The following DOCK3 variants were observed in gnomAD, a reference collection of about 807,000 sequenced individuals.
The protein encoded by DOCK3 is dedicator of cytokinesis 3, also known as dedicator of cytokinesis protein 3.
In DOCK3, 60 loss-of-function variants were observed where a neutral mutation model predicts 265.6. The observed-to-expected ratio is 0.23, with a 90% CI of 0.18 to 0.28. The LOEUF (loss-of-function observed/expected upper bound fraction) is 0.28, where lower values mean the gene tolerates loss of function less well. Among genes scored for constraint, DOCK3 ranks in the 10% least tolerant of loss-of-function variants. DOCK3 has a pLI of 1.00. For missense variants in DOCK3, 1,981 were observed against 2,594.3 expected (o/e 0.76, Z 5.14); for synonymous variants, 881 against 938.0 (o/e 0.94, Z 1.11).
chr3:51,221,552 AC>A (rs1213248053), intron 14 of DOCK3, among the ~76,000 whole-genome samples: 1 of 152,194 alleles, frequency 6.6e-6, no homozygotes, highest in East Asian at 1.9e-4. Flanking sequence ...ACTCCAATAA[AC>A]CTAAGTGCCC....
At chr3:50,785,559 A>G (rs551148508) in intron 2 of DOCK3, among the ~76,000 whole-genome samples, 6 of 152,206 alleles carry the variant, frequency 3.9e-5, no homozygotes, top group African/African-American at 7.2e-5. Flanking sequence ...TTATGCATCT[A>G]TTGAGATGAT....
intron 3 of DOCK3, among the ~76,000 whole-genome samples, chr3:50,889,066 G>GGTGTGTGTGTGT (rs36180907): frequency 7.9e-4 from 106 of 134,264 alleles, no homozygotes; most frequent in African/African-American, 1.4e-3. Context: ...TTAAGCCATG[G>GGTGTGTGTGTGT]GTGTGTGTGT....
chr3:50,731,462 C>T (rs777091991), intron 1 of DOCK3, among the ~76,000 whole-genome samples: 3 of 152,078 alleles, frequency 2.0e-5, no homozygotes, highest in South Asian at 4.1e-4. Flanking sequence ...GGATGTTGAT[C>T]GTGGGTGAAG....
At chr3:51,346,041 A>C (rs1369198898) in intron 38 of DOCK3, among the ~76,000 whole-genome samples, 1 of 152,186 alleles carries the variant, frequency 6.6e-6, no homozygotes, top group Non-Finnish European at 1.5e-5. Flanking sequence ...CTATATGCTT[A>C]AATTTCCTAT....
chr3:51,159,843 T>G (rs550555858), intron 11 of DOCK3, among the ~76,000 whole-genome samples: 1 of 152,366 alleles, frequency 6.6e-6, no homozygotes, highest in East Asian at 1.9e-4. Flanking sequence ...CAGACTTATT[T>G]CAAGTTTATG....
chr3:51,354,733 T>C, intron 40 of DOCK3, 149 bp from the exon 41 acceptor site: 1 of 1,219,366 alleles, frequency 8.2e-7, no homozygotes, highest in African/African-American at 1.5e-5. Flanking sequence ...TTCTGCCTCC[T>C]TGAGTGCAAT....
At chr3:50,763,844 A>G (rs1237185220) in intron 1 of DOCK3, among the ~76,000 whole-genome samples, 2 of 152,114 alleles carry the variant, frequency 1.3e-5, no homozygotes, top group Non-Finnish European at 2.9e-5. Flanking sequence ...ATTTGGTTTC[A>G]TCGATTTCTT....
intron 5 of DOCK3, among the ~76,000 whole-genome samples, chr3:50,942,361 A>G (rs1169193270): frequency 6.6e-6 from 1 of 152,062 alleles, no homozygotes; most frequent in East Asian, 1.9e-4. Flanking sequence ...AAAATATTTT[A>G]CTAATAAAAA....
intron 14 of DOCK3, among the ~76,000 whole-genome samples, chr3:51,224,078 A>G (rs568425448): frequency 6.6e-6 from 1 of 152,338 alleles, no homozygotes; most frequent in Non-Finnish European, 1.5e-5. Flanking sequence ...CAACAGTGGC[A>G]TTTTGGTATG....
At chr3:50,991,951 T>C (rs981395778) in intron 5 of DOCK3, among the ~76,000 whole-genome samples, 2 of 152,126 alleles carry the variant, frequency 1.3e-5, no homozygotes, top group East Asian at 3.9e-4. Flanking sequence ...CTCAAAACCA[T>C]GCAATTAAAT....
intron 5 of DOCK3, among the ~76,000 whole-genome samples, chr3:50,974,686 G>T (rs1400582445): frequency 3.9e-5 from 3 of 77,864 alleles, no homozygotes; most frequent in Non-Finnish European, 8.8e-5. Flanking sequence ...GAAAGGCATC[G>T]GTAGCTTGAT....
intron 3 of DOCK3, among the ~76,000 whole-genome samples, chr3:50,858,511 G>A (rs978682543): frequency 2.6e-5 from 4 of 151,912 alleles, no homozygotes; most frequent in Non-Finnish European, 4.4e-5. Flanking sequence ...TTTCAGCTGA[G>A]ACGTCTGCTG....
At chr3:51,061,687 A>T (rs903087482) in intron 5 of DOCK3, among the ~76,000 whole-genome samples, 1 of 151,992 alleles carries the variant, frequency 6.6e-6, no homozygotes, top group Non-Finnish European at 1.5e-5. Context: ...CGTTGTGAAC[A>T]TGTACCCTAA....
intron 25 of DOCK3, 104 bp downstream of exon 25, chr3:51,275,310 A>G (rs2080753402): frequency 6.5e-7 from 1 of 1,536,302 alleles, no homozygotes; most frequent in Non-Finnish European, 8.8e-7. Context: ...CTTTTCAGTC[A>G]CAGATGCTTT....
intron 3 of DOCK3, among the ~76,000 whole-genome samples, chr3:50,870,654 T>C (rs1327477567): frequency 1.3e-5 from 2 of 152,114 alleles, no homozygotes; most frequent in Non-Finnish European, 2.9e-5. Flanking sequence ...CTTTTGTTAT[T>C]TGTTTTCTGG....
At chr3:51,034,262 A>T (rs2108977437) in intron 5 of DOCK3, among the ~76,000 whole-genome samples, 1 of 152,152 alleles carries the variant, frequency 6.6e-6, no homozygotes, top group Middle Eastern at 3.4e-3. Flanking sequence ...AATCATTGAT[A>T]TTCTTTGTAT....
At chr3:51,018,587 T>TAA (rs2079455938) in intron 5 of DOCK3, among the ~76,000 whole-genome samples, 1 of 151,786 alleles carries the variant, frequency 6.6e-6, no homozygotes, top group African/African-American at 2.4e-5. Flanking sequence ...TGCATATATA[T>TAA]AATAAGATGT....
intron 3 of DOCK3, among the ~76,000 whole-genome samples, chr3:50,864,969 G>C (rs931210317): frequency 1.3e-5 from 2 of 149,990 alleles, no homozygotes; most frequent in African/African-American, 4.9e-5. Context: ...TTTCCTTTCT[G>C]TGAGGAGTGT....
Position 50,855,379 on chromosome 3 carries a change from A to ATGTTGTGTTG in DOCK3, c.162+13684_162+13693dup, listed in dbSNP as rs60885870. On this transcript the variant is annotated intron_variant, in intron 3 of 52. Transcript: ENST00000266037. ...GTATTCCTAGGTATTGTATTGTATT[A>ATGTTGTGTTG]TGTTGTGTTGTGTTGTGTTGTGTTG... 3.0e-3 allele frequency among the ~76,000 whole-genome samples: 457 copies of ATGTTGTGTTG among 151,576 alleles called. 3 individuals are homozygous for ATGTTGTGTTG. The highest frequency in any genetic ancestry group is 0.01 in the African/African-American group (419 of 41,284).
Sources: allele counts gnomAD v4.1 joint callset (sites outside exome capture counted in the v4.1 genomes callset), GRCh38; gene constraint gnomAD v4.1.1; transcripts MANE v1.5; gene names NCBI Gene and HGNC (gene_info 2026-07-23, HGNC 2026-07-21).